The following SRP54 variants were observed in gnomAD, a reference collection of about 807,000 sequenced individuals.
The protein encoded by SRP54 is signal recognition particle subunit SRP54.
SRP54 carries 10 observed loss-of-function variants against 64.8 expected under a neutral mutation model. That is an observed-to-expected ratio of 0.15 (90% CI 0.10 to 0.26). The LOEUF is 0.26. SRP54 is among the 10% of genes least tolerant of loss of function. SRP54 has a pLI of 1.00. For missense variants in SRP54, 325 were observed against 613.7 expected (o/e 0.53, Z 4.97); for synonymous variants, 193 against 185.6 (o/e 1.04, Z -0.32).
chr14:35,027,931 G>T (rs760582659), intron 14 of SRP54, 157 bp from the exon 15 acceptor site: 2 of 415,206 alleles, frequency 4.8e-6, no homozygotes, highest in Non-Finnish European at 8.5e-6. Context: ...AGATTAGAAG[G>T]GAATATGTAG....
At chr14:34,992,229 G>A (rs1038484726) in intron 1 of SRP54, among the ~76,000 whole-genome samples, 13 of 151,968 alleles carry the variant, frequency 8.6e-5, no homozygotes, top group East Asian at 1.9e-4. Context: ...CACTGGGCCC[G>A]GACAGATTTT....
intron 1 of SRP54, among the ~76,000 whole-genome samples, chr14:34,992,662 G>A (rs1646130806): frequency 6.6e-6 from 1 of 152,076 alleles, no homozygotes; most frequent in South Asian, 2.1e-4. Flanking sequence ...GGAGAAGACT[G>A]AGGATTGAAA....
chr14:35,002,354 T>TA (rs887673231), intron 4 of SRP54, among the ~76,000 whole-genome samples: 60 of 150,552 alleles, frequency 4.0e-4, no homozygotes, highest in East Asian at 1.9e-4. Context: ...ACCCTGTCTT[T>TA]AAAAAAAAAC....
rs766897831 is a variant in SRP54, at chr14:35,028,286, GGTGT to G, written c.1423+107_1423+110del. The G allele has an allele frequency of 1.4e-5, 10 of 690,890 alleles. No individual in the cohort carries two copies. The East Asian group carries it at 2.0e-4, about 14-fold the overall frequency. 42.8% of individuals were successfully genotyped at this position (690,890 alleles called of 1,614,324 possible). On this transcript the variant is annotated intron_variant, in intron 15 of 15. Coordinates refer to ENST00000216774, the MANE Select transcript of SRP54 (RefSeq NM_003136.4). Reference sequence around the variant, plus strand: ...TAATATTATGAAAATATGTTCAAAAGGTGTGTGATTTCAGGGAAATGGTCATCTG... The same window carrying G: ...TAATATTATGAAAATATGTTCAAAAGGTGATTTCAGGGAAATGGTCATCTG...
chr14:35,000,216 C>T (rs2044147491), intron 3 of SRP54, among the ~76,000 whole-genome samples: 1 of 152,178 alleles, frequency 6.6e-6, no homozygotes, highest in Non-Finnish European at 1.5e-5. Flanking sequence ...TTAGACATCT[C>T]TCCTTGTATT....
Position 34,997,165 on chromosome 14 carries a change from T to C in SRP54, c.78+378T>C, listed in dbSNP as rs2044084545. The stretch of plus-strand genomic sequence containing the variant: ...TCTTGGCTAGGCCTGTGCTTATCTG[T>C]CCTTTTCTTTGTGACTTTTATTTAG... On this transcript the variant is annotated intron_variant, in intron 2 of 15. Coordinates refer to ENST00000216774, the MANE Select transcript of SRP54 (RefSeq NM_003136.4). Among the ~76,000 whole-genome samples, 2 of 152,220 alleles carry C rather than the reference T, an allele frequency of 1.3e-5. 1 individual carries two copies. Among genetic ancestry groups the C allele is most frequent in the South Asian group, 4.1e-4 (2 of 4,834 alleles).
chr14:35,014,333 A>C (rs1042447993), intron 10 of SRP54, among the ~76,000 whole-genome samples: 1 of 143,052 alleles, frequency 7.0e-6, no homozygotes, highest in Non-Finnish European at 1.5e-5. Flanking sequence ...GCTGGAGTGC[A>C]ATGGCGGGAT....
At position 35,011,476 on chromosome 14, in the gene SRP54, C is replaced by T. The variant is rs573120363; in HGVS notation, c.486-33C>T. 139 of 1,376,920 alleles carry T rather than the reference C, an allele frequency of 1.0e-4. 1 individual carries two copies. Among genetic ancestry groups the T allele is most frequent in the Admixed American group, 4.1e-4 (16 of 38,640 alleles). The allele number at this position is 1,376,920 out of a possible 1,614,324, so 85.3% of individuals were successfully genotyped here. A position where few individuals can be genotyped will look rare whatever the true frequency, so the allele number is the denominator to read the frequency against. On this transcript the variant is annotated intron_variant, in intron 7 of 15. Coordinates refer to ENST00000216774, the MANE Select transcript of SRP54 (RefSeq NM_003136.4). ...AATTAGTAGTATTTGGAAGTTTTGT[C>T]GTTTTGTTAAATCATTTGTCCATGT...
chr14:34,999,784 C>G lies in SRP54; in HGVS notation c.170+135C>G, dbSNP rs1269996027. The G allele has an allele frequency of 8.3e-6, 5 of 600,584 alleles. No individual in the cohort carries two copies. The East Asian group carries it at 1.1e-4, about 13-fold the overall frequency. The allele number at this position is 600,584 out of a possible 1,614,324, so 37.2% of individuals were successfully genotyped here. The stretch of plus-strand genomic sequence containing the variant: ...ACTGGAAAAGTGCTGTGTTGGAGCT[C>G]ATATGTTGGGCGAGAGCATGTGTAG... On this transcript the variant is annotated intron_variant, in intron 3 of 15. Transcript: ENST00000216774.
rs1555352659 is a variant in SRP54, at chr14:34,987,246, A to AATAT, written c.-34+4042_-34+4045dup. On this transcript the variant is annotated intron_variant, in intron 1 of 15. Transcript: ENST00000216774. ...ACTACATCTGAAAAAAAAAAAAAAA[A>AATAT]ATATATATATATATGTGTGTGTGTG... is the stretch of plus-strand genomic sequence containing the variant. 2.6e-3 allele frequency among the ~76,000 whole-genome samples: 286 copies of AATAT among 109,960 alleles called. 2 individuals carry two copies. The highest frequency in any genetic ancestry group is 6.0e-3 in the South Asian group (20 of 3,352). 72.1% of individuals were successfully genotyped at this position (109,960 alleles called of 152,430 possible).
Position 35,011,780 on chromosome 14 carries a change from A to AT in SRP54, c.636+126dup, listed in dbSNP as rs964696803. 5.3e-6 allele frequency: 5 copies of AT among 947,996 alleles called. No homozygotes were observed. The African/African-American group carries it at 8.4e-5, about 16-fold the overall frequency. 58.7% of individuals were successfully genotyped at this position (947,996 alleles called of 1,614,324 possible). ...CTGTGAGGCAGATCCCCAGTAATTT[A>AT]TTTTTGTTTTGGGCACCTATATCTA... On this transcript the variant is annotated intron_variant, in intron 8 of 15. Coordinates refer to ENST00000216774, the MANE Select transcript of SRP54 (RefSeq NM_003136.4).
intron 2 of SRP54, among the ~76,000 whole-genome samples, chr14:34,998,484 C>T (rs983163899): frequency 6.6e-6 from 1 of 152,072 alleles, no homozygotes; most frequent in Non-Finnish European, 1.5e-5. Flanking sequence ...TTCCTTCTGT[C>T]ACATTTACTT....
At chr14:34,985,565 TGTA>T (rs1428603152) in intron 1 of SRP54, among the ~76,000 whole-genome samples, 1 of 152,220 alleles carries the variant, frequency 6.6e-6, no homozygotes, top group Non-Finnish European at 1.5e-5. Context: ...GGGTAGTGCA[TGTA>T]GTGTCCTGGC....
chr14:35,008,715 A>C, intron 6 of SRP54, 22 bp downstream of exon 6: 1 of 1,604,074 alleles, frequency 6.2e-7, no homozygotes, highest in African/African-American at 1.3e-5. Context: ...AAATTTGAAA[A>C]TTGTTTTATA....
At chr14:34,998,673 C>T (rs1024578944) in intron 2 of SRP54, among the ~76,000 whole-genome samples, 18 of 151,506 alleles carry the variant, frequency 1.2e-4, no homozygotes, top group African/African-American at 3.6e-4. Context: ...ATTAGCTGGG[C>T]GTGGTGGCAG....
At chr14:35,019,667 C>T (rs943899396) in intron 13 of SRP54, among the ~76,000 whole-genome samples, 1 of 152,178 alleles carries the variant, frequency 6.6e-6, no homozygotes, top group Non-Finnish European at 1.5e-5. Flanking sequence ...GTATACTGCT[C>T]TGTTCCCCTG....
chr14:35,013,773 G>A, intron 9 of SRP54, 29 bp from the exon 10 acceptor site: 1 of 1,572,632 alleles, frequency 6.4e-7, no homozygotes, highest in South Asian at 1.2e-5. Flanking sequence ...TTCTTTTGAG[G>A]TTATTTTATA....
chr14:35,017,476 A>G (rs994431979), intron 11 of SRP54, among the ~76,000 whole-genome samples: 2 of 152,190 alleles, frequency 1.3e-5, no homozygotes, highest in African/African-American at 4.8e-5. Context: ...AAATGGCCAA[A>G]TATGTATTTC....
intron 8 of SRP54, 133 bp from the exon 9 acceptor site, chr14:35,013,213 C>A: frequency 2.5e-6 from 2 of 815,666 alleles, no homozygotes; most frequent in Non-Finnish European, 3.8e-6. Context: ...GCTCGGCCTC[C>A]CAAAGTGCTG....
Sources: allele counts gnomAD v4.1 joint callset (sites outside exome capture counted in the v4.1 genomes callset), GRCh38; gene constraint gnomAD v4.1.1; transcripts MANE v1.5; gene names NCBI Gene and HGNC (gene_info 2026-07-23, HGNC 2026-07-21).